Variants in MGAT4C observed in about 807,000 individuals in gnomAD.
MGAT4C encodes MGAT4 family member C.
MGAT4C carries 19 observed loss-of-function variants against 40.1 expected under a neutral mutation model. That is an observed-to-expected ratio of 0.47 (90% CI 0.33 to 0.70). The LOEUF (loss-of-function observed/expected upper bound fraction) is 0.70, where lower values mean the gene tolerates loss of function less well. Ranked by LOEUF, MGAT4C falls within the 30% of genes least tolerant of loss-of-function variation. The pLI is 0.02. For synonymous variants in MGAT4C, 181 were observed against 187.1 expected, an observed-to-expected ratio of 0.97 and a Z score of 0.27; for missense variants, 491 against 563.2, an observed-to-expected ratio of 0.87 and a Z score of 1.30.
rs1883984043 is a variant in MGAT4C at position 85,976,380 on chromosome 12, T to C, written c.*2909A>G. 1 of 150,972 alleles carries C rather than the reference T, an allele frequency of 6.6e-6. No individual in the cohort carries two copies. The highest frequency in any genetic ancestry group is 6.6e-5 in the Admixed American group (1 of 15,108). 9.4% of individuals were successfully genotyped at this position (150,972 alleles called of 1,614,324 possible). A position where few individuals can be genotyped will look rare whatever the true frequency, so the allele number is the denominator to read the frequency against. On this transcript the variant is annotated 3_prime_UTR_variant, in exon 5 of 5. Coordinates refer to ENST00000611864, the MANE Select transcript of MGAT4C (RefSeq NM_001351288.2). ...TTGACATTTGTGATTGCCACTAAAA[T>C]GTGTATTTTCTAAATTTCATTGTGC...
chr12:86,073,626 T>A (rs1869047074), intron 1 of MGAT4C, among the ~76,000 whole-genome samples: 1 of 151,582 alleles, frequency 6.6e-6, no homozygotes, highest in African/African-American at 2.4e-5. Context: ...TTAAGGCGAC[T>A]CTTTAAAAAT....
At chr12:86,064,606 A>G (rs1894343522) in intron 1 of MGAT4C, among the ~76,000 whole-genome samples, 1 of 152,208 alleles carries the variant, frequency 6.6e-6, no homozygotes, top group Non-Finnish European at 1.5e-5. Flanking sequence ...CCACAAGAGA[A>G]AGCAGGAGAG....
At position 86,699,227 on chromosome 12, in the gene MGAT4C, A is replaced by T. The variant is rs77372881; in HGVS notation, c.-229+27982T>A. Among the ~76,000 whole-genome samples the T allele has an allele frequency of 3.0e-3, 451 of 152,266 alleles. 1 individual carries two copies. The highest frequency in any genetic ancestry group is 0.01 in the African/African-American group (430 of 41,560). On this transcript the variant is annotated intron_variant, in intron 2 of 7. Coordinates refer to the MGAT4C transcript ENST00000548651. The stretch of plus-strand genomic sequence containing the variant: ...AAATTACATATTTCTGACAATACTG[A>T]CACAAATTAAACAGGATATTTTACT...
chr12:86,467,682 T>C lies in MGAT4C; in HGVS notation c.-228-32417A>G, dbSNP rs1024626293. 6.6e-5 allele frequency among the ~76,000 whole-genome samples: 10 copies of C among 152,142 alleles called. 1 individual carries two copies. The highest frequency in any genetic ancestry group is 4.6e-4 in the Admixed American group (7 of 15,278). On this transcript the variant is annotated intron_variant, in intron 2 of 7. Transcript: ENST00000548651. Reference sequence around the variant, plus strand: ...TTAATGAATTGATAACAGCTTTGATTGAGAAATGTTTATCCTTTTTACTCT... The same window carrying C: ...TTAATGAATTGATAACAGCTTTGATCGAGAAATGTTTATCCTTTTTACTCT...
At chr12:86,690,663 G>T (rs944644492) in intron 2 of MGAT4C, among the ~76,000 whole-genome samples, 1 of 152,058 alleles carries the variant, frequency 6.6e-6, no homozygotes, top group African/African-American at 2.4e-5. Flanking sequence ...GAGATGAGCC[G>T]GGTACCTTAG....
At chr12:86,322,688 T>C (rs1045820162) in intron 4 of MGAT4C, among the ~76,000 whole-genome samples, 1 of 152,118 alleles carries the variant, frequency 6.6e-6, no homozygotes, top group Non-Finnish European at 1.5e-5. Flanking sequence ...AAGGGCAATT[T>C]AGTTGCTTTG....
At chr12:86,385,912 G>A (rs984453154) in intron 3 of MGAT4C, among the ~76,000 whole-genome samples, 1 of 151,948 alleles carries the variant, frequency 6.6e-6, no homozygotes, top group East Asian at 1.9e-4. Context: ...TTATTCATCA[G>A]TAATTATTTT....
intron 2 of MGAT4C, among the ~76,000 whole-genome samples, chr12:86,569,249 T>C (rs1456898556): frequency 6.6e-6 from 1 of 151,944 alleles, no homozygotes; most frequent in Non-Finnish European, 1.5e-5. Context: ...AAAGAAACAA[T>C]TGGTTGAATG....
chr12:86,612,739 C>CAAA (rs767088175), intron 2 of MGAT4C, among the ~76,000 whole-genome samples: 72 of 58,626 alleles, frequency 1.2e-3, no homozygotes, highest in African/African-American at 3.4e-3. Context: ...GACTCTGTCT[C>CAAA]AAAAAAAAAA....
At chr12:86,186,925 A>G (rs1411683415) in intron 1 of MGAT4C, among the ~76,000 whole-genome samples, 1 of 152,152 alleles carries the variant, frequency 6.6e-6, no homozygotes, top group East Asian at 1.9e-4. Flanking sequence ...AAACCTGCTT[A>G]AATCTATAGT....
chr12:86,399,012 CCAGGCTGAAGTG>C (rs1956308123), intron 3 of MGAT4C, among the ~76,000 whole-genome samples: 1 of 152,124 alleles, frequency 6.6e-6, no homozygotes, highest in Non-Finnish European at 1.5e-5. Flanking sequence ...CACTCTGTTG[CCAGGCTGAAGTG>C]CAGTGGCGCC....
At chr12:86,715,839 C>T (rs1295110494) in intron 2 of MGAT4C, among the ~76,000 whole-genome samples, 1 of 151,980 alleles carries the variant, frequency 6.6e-6, no homozygotes, top group African/African-American at 2.4e-5. Flanking sequence ...ACCTAAATTT[C>T]AAAAGGGAAA....
At chr12:86,052,482 T>C (rs1237074587) in intron 1 of MGAT4C, among the ~76,000 whole-genome samples, 2 of 152,018 alleles carry the variant, frequency 1.3e-5, no homozygotes, top group Non-Finnish European at 2.9e-5. Context: ...CAGGTATTGC[T>C]AAATTGTATG....
intron 1 of MGAT4C, among the ~76,000 whole-genome samples, chr12:86,239,692 A>T (rs925733770): frequency 6.6e-6 from 1 of 152,104 alleles, no homozygotes; most frequent in African/African-American, 2.4e-5. Flanking sequence ...AGTCAGTGGG[A>T]GATCCAGACA....
chr12:86,288,975 A>T (rs1953429759), intron 4 of MGAT4C, among the ~76,000 whole-genome samples: 1 of 152,064 alleles, frequency 6.6e-6, no homozygotes, highest in African/African-American at 2.4e-5. Context: ...CTTTGTCATG[A>T]AATCTTTGTC....
intron 1 of MGAT4C, among the ~76,000 whole-genome samples, chr12:86,216,967 C>A (rs1209544669): frequency 6.6e-6 from 1 of 151,942 alleles, no homozygotes; most frequent in Non-Finnish European, 1.5e-5. Context: ...AGCTCAATAG[C>A]TAAATATAAG....
At chr12:86,620,341 TCACACACA>T (rs142544847) in intron 2 of MGAT4C, among the ~76,000 whole-genome samples, 1 of 149,824 alleles carries the variant, frequency 6.7e-6, no homozygotes, top group Non-Finnish European at 1.5e-5. Flanking sequence ...AGATAAAATA[TCACACACA>T]CACACACACA....
chr12:86,674,292 A>G (rs1281176579), intron 2 of MGAT4C, among the ~76,000 whole-genome samples: 1 of 152,200 alleles, frequency 6.6e-6, no homozygotes, highest in Non-Finnish European at 1.5e-5. Flanking sequence ...AAAACTTTTT[A>G]TAACATTTTT....
intron 1 of MGAT4C, among the ~76,000 whole-genome samples, chr12:86,140,653 TA>T (rs1278968054): frequency 1.3e-5 from 2 of 152,016 alleles, no homozygotes; most frequent in Non-Finnish European, 2.9e-5. Context: ...TAAAGTATAA[TA>T]AAAATAAAAT....
Sources: allele counts gnomAD v4.1 joint callset (sites outside exome capture counted in the v4.1 genomes callset), GRCh38; gene constraint gnomAD v4.1.1; transcripts MANE v1.5; gene names NCBI Gene and HGNC (gene_info 2026-07-23, HGNC 2026-07-21).